Variants in PIP5K1C observed in about 807,000 individuals in gnomAD.
The protein encoded by PIP5K1C is phosphatidylinositol-4-phosphate 5-kinase type 1 gamma.
A neutral mutation model predicts 80.1 loss-of-function variants in PIP5K1C; 45 were observed. The observed-to-expected ratio is 0.56, with a 90% CI of 0.44 to 0.72. The LOEUF (loss-of-function observed/expected upper bound fraction) is 0.72. Among genes scored for constraint, PIP5K1C ranks in the 30% least tolerant of loss-of-function variants. The probability of loss-of-function intolerance (pLI) is 0.00; values close to 1 mark genes in which losing one functional copy is unlikely to be tolerated. For synonymous variants in PIP5K1C, 498 were observed against 420.1 expected (o/e 1.19, Z -2.27); for missense variants, 753 against 954.6 (o/e 0.79, Z 2.78).
chr19:3,675,198 G>T (rs1178566189), intron 1 of PIP5K1C, among the ~76,000 whole-genome samples: 2 of 152,192 alleles, frequency 1.3e-5, no homozygotes, highest in East Asian at 3.8e-4. Flanking sequence ...ACGCCGAGAA[G>T]AATTTACTCA....
chr19:3,669,892 T>C (rs1371826124), intron 1 of PIP5K1C: 3 of 152,152 alleles, frequency 2.0e-5, no homozygotes, highest in Non-Finnish European at 4.4e-5. Context: ...TTTGCTCTGC[T>C]GCCGGGTCAG....
intron 1 of PIP5K1C, among the ~76,000 whole-genome samples, chr19:3,690,899 G>A (rs2035927529): frequency 1.3e-5 from 2 of 152,176 alleles, no homozygotes; most frequent in South Asian, 4.1e-4. Flanking sequence ...GGAGGGTGGA[G>A]GTCGGGGCCA....
chr19:3,635,265 G>C (rs2033635070), intron 16 of PIP5K1C, among the ~76,000 whole-genome samples: 1 of 152,256 alleles, frequency 6.6e-6, no homozygotes, highest in African/African-American at 2.4e-5. Context: ...CGGGGATACA[G>C]GCCAGGTGCA....
In PIP5K1C at chr19:3,648,687, C is replaced by A; in HGVS notation, c.1149G>T (p.Val383=). The change falls in exon 9 of 18, where the codon GTG becomes GTT. Residue 383 remains valine, a synonymous_variant. Transcript: ENST00000335312. This position sits in a 1 kb window ranked among gnomAD's most constrained non-coding sequence, Gnocchi z 4.3. Reference sequence around the variant, plus strand: ...GCAGCAGCCGCTCCCCGCGGCCGTTCACAGCGGGGATCCCGCCCATCCTGG... The same window carrying A: ...GCAGCAGCCGCTCCCCGCGGCCGTTAACAGCGGGGATCCCGCCCATCCTGG... ...SDDTMGGIPA[V]NGRGERLLLH... is the part of the protein sequence containing the mutation. 6.2e-7 allele frequency: 1 copy of A among 1,613,002 alleles called. No individual in the cohort carries two copies. The highest frequency in any genetic ancestry group is 8.5e-7 in the Non-Finnish European group (1 of 1,179,862).
intron 1 of PIP5K1C, among the ~76,000 whole-genome samples, chr19:3,694,064 T>C: frequency 6.6e-6 from 1 of 151,700 alleles, no homozygotes; most frequent in East Asian, 1.9e-4. Context: ...TACAAAACAT[T>C]AGCCGGGCGT....
At chr19:3,683,789 G>C (rs1041568916) in intron 1 of PIP5K1C, among the ~76,000 whole-genome samples, 1 of 152,146 alleles carries the variant, frequency 6.6e-6, no homozygotes, top group Non-Finnish European at 1.5e-5. Context: ...GGGCAGGACC[G>C]TGTCTGGAGA....
At chr19:3,654,597 C>T (rs924752670) in intron 6 of PIP5K1C, among the ~76,000 whole-genome samples, 20 of 151,304 alleles carry the variant, frequency 1.3e-4, no homozygotes, top group African/African-American at 4.1e-4. Flanking sequence ...GGGCGGATCA[C>T]CTGAGGTCAG....
chr19:3,678,165 GA>G (rs1255119111), intron 1 of PIP5K1C, among the ~76,000 whole-genome samples: 3 of 136,470 alleles, frequency 2.2e-5, no homozygotes, highest in Non-Finnish European at 3.2e-5. Flanking sequence ...GAGGGATGGA[GA>G]GATGGAGGGA....
chr19:3,654,291 CAG>C (rs2034546996), intron 6 of PIP5K1C, among the ~76,000 whole-genome samples: 1 of 152,242 alleles, frequency 6.6e-6, no homozygotes, highest in African/African-American at 2.4e-5. Flanking sequence ...CTGGGTGACT[CAG>C]GGGCACCCAA....
Position 3,634,054 on chromosome 19 carries a change from G to A in PIP5K1C, c.1921-534C>T, listed in dbSNP as rs1445403793. Among the ~76,000 whole-genome samples the A allele has an allele frequency of 6.6e-5, 10 of 152,156 alleles. No individual in the cohort carries two copies. The East Asian group carries it at 1.2e-3, about 18-fold the overall frequency. ...GCCAGTCCCCTCTGCCAGCACAGAC[G>A]TGCTAGGAGAGACTGAGGCTCGGAC... On this transcript the variant is annotated intron_variant, in intron 16 of 17. Coordinates refer to ENST00000335312, the MANE Select transcript of PIP5K1C (RefSeq NM_012398.3).
intron 1 of PIP5K1C, among the ~76,000 whole-genome samples, chr19:3,695,319 G>A (rs556454170): frequency 2.4e-4 from 36 of 152,304 alleles, no homozygotes; most frequent in Middle Eastern, 3.4e-3. Context: ...CCTGGGCCCC[G>A]GAAGCAGCAC....
Position 3,659,974 on chromosome 19 carries a change from C to T in PIP5K1C, c.468+992G>A, listed in dbSNP as rs2034777214. Among the ~76,000 whole-genome samples the T allele has an allele frequency of 2.0e-5, 3 of 152,348 alleles. No individual in the cohort carries two copies. The South Asian group carries it at 6.2e-4, about 32-fold the overall frequency. On this transcript the variant is annotated intron_variant, in intron 5 of 17. Coordinates refer to ENST00000335312, the MANE Select transcript of PIP5K1C (RefSeq NM_012398.3). ...CCGCACTTGTCTACAGAGTTCCAGT[C>T]TTCCCTGATACAAAGTTCTCGGGAT... is the stretch of plus-strand genomic sequence containing the variant.
chr19:3,635,501 G>A (rs1353745383), intron 16 of PIP5K1C, among the ~76,000 whole-genome samples: 1 of 152,138 alleles, frequency 6.6e-6, no homozygotes, highest in African/African-American at 2.4e-5. Flanking sequence ...TGGCCAACAT[G>A]GTAAAACCCC....
chr19:3,640,415 C>G (rs561640403), intron 15 of PIP5K1C, among the ~76,000 whole-genome samples: 1 of 152,170 alleles, frequency 6.6e-6, no homozygotes, highest in East Asian at 1.9e-4. Flanking sequence ...ACTCGGGAGG[C>G]TGAGGCAAGA....
chr19:3,697,055 CG>C (rs1279840751), intron 1 of PIP5K1C, among the ~76,000 whole-genome samples: 1 of 148,466 alleles, frequency 6.7e-6, no homozygotes, highest in Non-Finnish European at 1.5e-5. Context: ...TGAGCTGGAC[CG>C]GGGAGGACCG....
At position 3,651,988 on chromosome 19, in the gene PIP5K1C, C is replaced by T. The variant is rs764807191; in HGVS notation, c.965G>A (p.Gly322Asp). The change falls in exon 8 of 18, where the codon GGC becomes GAC. Residue 322 changes from glycine to aspartate, a missense_variant. Gly to Asp is a moderately conservative substitution (Grantham distance 94, BLOSUM62 -1). Transcript: ENST00000335312. Reference sequence around the variant, plus strand: ...CTCGTGCTGGTCGATGTTGTGCACGCCCAGCAGCAGGCTGTAGTCCATGAT... The same window carrying T: ...CTCGTGCTGGTCGATGTTGTGCACGTCCAGCAGCAGGCTGTAGTCCATGAT... ...FKIMDYSLLL[G>D]VHNIDQHERE... 1.9e-6 allele frequency: 3 copies of T among 1,613,182 alleles called. No homozygotes were observed. The highest frequency in any genetic ancestry group is 1.1e-5 in the South Asian group (1 of 91,092).
intron 1 of PIP5K1C, among the ~76,000 whole-genome samples, chr19:3,681,249 GAGAT>G (rs1230107378): frequency 7.9e-6 from 1 of 126,412 alleles, no homozygotes; most frequent in African/African-American, 3.0e-5. Context: ...TTTTTTTTTT[GAGAT>G]AGAGTCTCGT....
chr19:3,637,272 C>T lies in PIP5K1C; in HGVS notation c.1920+1612G>A. On this transcript the variant is annotated intron_variant, in intron 16 of 17. Coordinates refer to ENST00000335312, the MANE Select transcript of PIP5K1C (RefSeq NM_012398.3). This position sits in a 1 kb window ranked among gnomAD's most constrained non-coding sequence, Gnocchi z 7.0. ...GCCGGGGTCCGAAGCAGACCCTGGG[C>T]CTCAGCTGTGCACCTGGTGATGGTG... 2 of 1,476,690 alleles carry T rather than the reference C, an allele frequency of 1.4e-6. No homozygotes were observed. Among genetic ancestry groups the T allele is most frequent in the Non-Finnish European group, 1.8e-6 (2 of 1,115,592 alleles). The allele number at this position is 1,476,690 out of a possible 1,614,324, so 91.5% of individuals were successfully genotyped here. A position where few individuals can be genotyped will look rare whatever the true frequency, so the allele number is the denominator to read the frequency against.
chr19:3,690,482 TA>T (rs370234161), intron 1 of PIP5K1C, among the ~76,000 whole-genome samples: 1,752 of 136,808 alleles, frequency 0.013, 10 homozygotes, highest in South Asian at 0.018. Context: ...GACCCTGTCT[TA>T]AAAAAAAAAA....
Sources: allele counts gnomAD v4.1 joint callset (sites outside exome capture counted in the v4.1 genomes callset), GRCh38; gene constraint gnomAD v4.1.1; non-coding constraint Gnocchi (gnomAD v3.1); transcripts MANE v1.5; gene names NCBI Gene and HGNC (gene_info 2026-07-23, HGNC 2026-07-21).